Variants in AFF2 observed in about 807,000 individuals in gnomAD.
AFF2 encodes AF4/FMR2 family member 2.
In AFF2, 14 loss-of-function variants were observed where a neutral mutation model predicts 76.9. The observed-to-expected ratio is 0.18, with a 90% CI of 0.12 to 0.28. AFF2 has a LOEUF of 0.28. Ranked by LOEUF, AFF2 falls within the 10% of genes least tolerant of loss-of-function variation. The probability of loss-of-function intolerance (pLI) is 1.00; values close to 1 mark genes in which losing one functional copy is unlikely to be tolerated. For synonymous variants in AFF2, 398 were observed against 366.7 expected (o/e 1.09, Z -0.98); for missense variants, 868 against 1,001.1 (o/e 0.87, Z 1.79).
At chrX:148,708,229 C>G (rs1488260599) in intron 3 of AFF2, among the ~76,000 whole-genome samples, 14 of 111,807 alleles carry the variant, frequency 1.3e-4, no homozygotes, top group Non-Finnish European at 2.1e-4. Flanking sequence ...AGAGTCTGAA[C>G]TGTGCACTTT....
At chrX:148,671,500 A>G (rs782303777) in intron 3 of AFF2, among the ~76,000 whole-genome samples, 1 of 111,813 alleles carries the variant, frequency 8.9e-6, no homozygotes, top group East Asian at 2.8e-4. Flanking sequence ...AGATTAGACT[A>G]ACTCATTGGT....
intron 9 of AFF2, among the ~76,000 whole-genome samples, chrX:148,911,644 TTGTC>T (rs1465591234): frequency 8.9e-6 from 1 of 112,316 alleles, no homozygotes; most frequent in Non-Finnish European, 1.9e-5. Flanking sequence ...GAGGATATCT[TTGTC>T]TGGCAGGGCA....
At chrX:148,501,732 C>A (rs782248998) in intron 1 of AFF2, among the ~76,000 whole-genome samples, 7 of 113,589 alleles carry the variant, frequency 6.2e-5, no homozygotes, top group Admixed American at 3.7e-4. Flanking sequence ...GGCCACCACT[C>A]AGGGGACCTT....
intron 3 of AFF2, among the ~76,000 whole-genome samples, chrX:148,800,075 T>A (rs1282915230): frequency 1.8e-5 from 2 of 112,146 alleles, no homozygotes; most frequent in Non-Finnish European, 1.9e-5. Context: ...TCCCTGAATA[T>A]ATTTAGCTGT....
chrX:148,594,003 T>C (rs1168622848), intron 1 of AFF2, among the ~76,000 whole-genome samples: 1 of 111,430 alleles, frequency 9.0e-6, no homozygotes, highest in Non-Finnish European at 1.9e-5. Context: ...ACTAAGTGAG[T>C]TAATATATGT....
chrX:148,966,888 CACT>C lies in AFF2; in HGVS notation c.3013_3015del (p.Thr1005del), dbSNP rs782574667. On this transcript the variant is annotated inframe_deletion, in exon 14 of 21. Transcript: ENST00000370460. ...TCACTGCTACTGCCATTGTCACCAC[CACT>C]GTCACAGCTACTGCCACCGCCACGG... 1.9e-5 allele frequency: 23 copies of C among 1,208,909 alleles called. No homozygotes were observed. In the African/African-American group the frequency reaches 3.7e-4, roughly 19 times the overall value.
intron 3 of AFF2, among the ~76,000 whole-genome samples, chrX:148,679,738 A>T (rs2054527250): frequency 9.0e-6 from 1 of 111,556 alleles, no homozygotes; most frequent in Non-Finnish European, 1.9e-5. Context: ...GGCATTAGTG[A>T]TGCCAAATGG....
chrX:148,769,338 G>A lies in AFF2; in HGVS notation c.1042-40538G>A, dbSNP rs782000691. Among the ~76,000 whole-genome samples the A allele has an allele frequency of 2.0e-3, 228 of 111,804 alleles. 1 individual carries two copies. The highest frequency in any genetic ancestry group is 7.2e-3 in the African/African-American group (222 of 30,810). ...ATAGTGTCATGAAGGCTGCCAGCAG[G>A]CATGGAGTGTGAGTGGTTTTCATGA... On this transcript the variant is annotated intron_variant, in intron 3 of 20. Transcript: ENST00000370460.
intron 1 of AFF2, among the ~76,000 whole-genome samples, chrX:148,572,937 AAC>A (rs1419123648): frequency 9.0e-6 from 1 of 111,032 alleles, no homozygotes; most frequent in Non-Finnish European, 1.9e-5. Context: ...TTTTTAGAAA[AAC>A]AGTTTCACTA....
intron 1 of AFF2, among the ~76,000 whole-genome samples, chrX:148,633,590 CACTTGGCCAT>C (rs781969991): frequency 7.1e-5 from 8 of 112,440 alleles, no homozygotes; most frequent in East Asian, 5.6e-4. Context: ...TTCTGTCAGT[CACTTGGCCAT>C]TTAGTCTCCA....
rs140871784 is a variant in AFF2, at chrX:148,794,786, T to C, written c.1042-15090T>C. 1.9e-3 allele frequency among the ~76,000 whole-genome samples: 206 copies of C among 111,251 alleles called. 1 individual carries two copies. The highest frequency in any genetic ancestry group is 6.4e-3 in the African/African-American group (195 of 30,628). ...TGCAGAGGCAGGGGTGGGGGGTTCA[T>C]GGCAGTTTATCAAATTGTCTCCTGG... is the stretch of plus-strand genomic sequence containing the variant. On this transcript the variant is annotated intron_variant, in intron 3 of 20. Transcript: ENST00000370460.
intron 3 of AFF2, among the ~76,000 whole-genome samples, chrX:148,730,476 T>C (rs983480124): frequency 1.8e-5 from 2 of 112,772 alleles, no homozygotes; most frequent in Admixed American, 1.9e-4. Flanking sequence ...AAAAAATGCC[T>C]TTGTTGACTG....
chrX:148,683,371 G>T (rs241128), intron 3 of AFF2, among the ~76,000 whole-genome samples: 19,169 of 110,887 alleles, frequency 0.17, 1,256 homozygotes, highest in Non-Finnish European at 0.2. Flanking sequence ...AATTTCTATG[G>T]TTGCAAAAAT....
At chrX:148,578,141 T>C (rs1422956248) in intron 1 of AFF2, among the ~76,000 whole-genome samples, 1 of 112,311 alleles carries the variant, frequency 8.9e-6, no homozygotes, top group Non-Finnish European at 1.9e-5. Flanking sequence ...TCTTTTCTTA[T>C]ATCATTTTGC....
intron 1 of AFF2, among the ~76,000 whole-genome samples, chrX:148,625,584 C>G (rs782735603): frequency 1.8e-5 from 2 of 110,789 alleles, no homozygotes; most frequent in Non-Finnish European, 3.8e-5. Flanking sequence ...CTCCTCTGGA[C>G]TGGATGGACA....
At chrX:148,846,984 T>G (rs1557274823) in intron 7 of AFF2, among the ~76,000 whole-genome samples, 3 of 111,254 alleles carry the variant, frequency 2.7e-5, no homozygotes, top group Non-Finnish European at 5.7e-5. Context: ...CACTGCAAGC[T>G]CCGCCTCCCG....
chrX:148,769,561 C>A (rs2069560814), intron 3 of AFF2, among the ~76,000 whole-genome samples: 1 of 111,580 alleles, frequency 9.0e-6, no homozygotes, highest in Admixed American at 9.5e-5. Flanking sequence ...AGAGCCATTT[C>A]TTAGTACATA....
intron 1 of AFF2, among the ~76,000 whole-genome samples, chrX:148,549,209 A>G (rs191870810): frequency 8.9e-6 from 1 of 112,388 alleles, no homozygotes; most frequent in East Asian, 2.8e-4. Context: ...CTCAACAAAT[A>G]TTCACTGAAA....
chrX:148,549,197 G>A (rs2052962503), intron 1 of AFF2, among the ~76,000 whole-genome samples: 1 of 112,032 alleles, frequency 8.9e-6, no homozygotes, highest in Admixed American at 9.5e-5. Flanking sequence ...AAATAGCAGA[G>A]ACTCAACAAA....
Sources: gnomAD v4.1 joint callset for allele counts (sites outside exome capture counted in the v4.1 genomes callset) on GRCh38, gnomAD v4.1.1 for gene constraint, MANE v1.5 for transcripts, NCBI Gene and HGNC (gene_info 2026-07-23, HGNC 2026-07-21) for gene names.